Variants in RNF150 observed in about 807,000 individuals in gnomAD.
RNF150 encodes the protein ring finger protein 150.
Under a neutral mutation model 39.3 loss-of-function variants are expected in RNF150, and 24 were observed. That is an observed-to-expected ratio of 0.61 (90% CI 0.44 to 0.86). RNF150 has a LOEUF of 0.86. Ranked by LOEUF, RNF150 falls within the 40% of genes least tolerant of loss-of-function variation. The pLI is 0.00. For missense variants in RNF150, 502 were observed against 587.8 expected, an observed-to-expected ratio of 0.85 and a Z score of 1.51; for synonymous variants, 255 against 227.3, an observed-to-expected ratio of 1.12 and a Z score of -1.10.
At chr4:140,899,416 A>G (rs1730087424) in intron 6 of RNF150, among the ~76,000 whole-genome samples, 1 of 152,250 alleles carries the variant, frequency 6.6e-6, no homozygotes, top group East Asian at 1.9e-4. Flanking sequence ...AGGCAGGCAG[A>G]GTCACAGGTG....
chr4:140,941,371 C>A (rs1439912580), intron 4 of RNF150, among the ~76,000 whole-genome samples: 4 of 152,176 alleles, frequency 2.6e-5, no homozygotes, highest in Non-Finnish European at 4.4e-5. Flanking sequence ...CCAATAAAAA[C>A]AATGGCAATT....
chr4:141,210,330 G>A (rs1166369494), intron 1 of RNF150, among the ~76,000 whole-genome samples: 2 of 152,120 alleles, frequency 1.3e-5, no homozygotes, highest in Non-Finnish European at 2.9e-5. Flanking sequence ...TACCTTCGGG[G>A]TTTCAGGTTA....
At chr4:140,894,409 A>G (rs912075345) in intron 6 of RNF150, among the ~76,000 whole-genome samples, 3 of 152,166 alleles carry the variant, frequency 2.0e-5, no homozygotes, top group African/African-American at 7.2e-5. Context: ...TCCACAACAG[A>G]AAGTCATTTT....
chr4:141,079,525 T>A (rs376948485), intron 1 of RNF150, among the ~76,000 whole-genome samples: 1 of 152,180 alleles, frequency 6.6e-6, no homozygotes, highest in African/African-American at 2.4e-5. Flanking sequence ...AATTTCCTCA[T>A]GTAAAAAATA....
In RNF150 at chr4:141,132,829, T is replaced by C; in HGVS notation, c.-21A>G. 1 of 1,584,356 alleles carries C rather than the reference T, an allele frequency of 6.3e-7. No homozygotes were observed. Among genetic ancestry groups the C allele is most frequent in the Non-Finnish European group, 8.6e-7 (1 of 1,157,258 alleles). On this transcript the variant is annotated 5_prime_UTR_variant, in exon 1 of 7. Transcript: ENST00000515673. This position sits in a 1 kb window ranked among gnomAD's most constrained non-coding sequence, Gnocchi z 4.9. ...GCCATCTTTATCCGCCGGGGCCCCC[T>C]CCCCGCCCCCGCGCCCTCCCTCCGT... is the stretch of plus-strand genomic sequence containing the variant.
At chr4:141,207,896 G>T (rs1728399308) in intron 1 of RNF150, among the ~76,000 whole-genome samples, 1 of 152,120 alleles carries the variant, frequency 6.6e-6, no homozygotes, top group East Asian at 1.9e-4. Flanking sequence ...CAGGACAAAA[G>T]AAACCATTGC....
chr4:141,141,402 G>A (rs543338395), intron 1 of RNF150, among the ~76,000 whole-genome samples: 5 of 152,310 alleles, frequency 3.3e-5, no homozygotes, highest in South Asian at 2.1e-4. Context: ...GTCTACAAAC[G>A]AATCTGGATA....
chr4:141,054,915 C>T (rs375442014), intron 1 of RNF150, among the ~76,000 whole-genome samples: 15 of 152,198 alleles, frequency 9.9e-5, no homozygotes, highest in Middle Eastern at 3.4e-3. Flanking sequence ...AATGTGATAA[C>T]AAACAACAAA....
chr4:141,132,672 A>T lies in RNF150; in HGVS notation c.137T>A (p.Ile46Asn). 3.1e-6 allele frequency: 5 copies of T among 1,606,584 alleles called. No homozygotes were observed. The highest frequency in any genetic ancestry group is 2.3e-5 in the East Asian group (1 of 44,144). The change falls in exon 1 of 7, where the codon ATC (isoleucine) becomes AAC (asparagine). Residue 46 changes from isoleucine to asparagine, a missense_variant. By Grantham distance (149) the Ile-to-Asn change is moderately radical. Transcript: ENST00000515673. This position sits in a 1 kb window ranked among gnomAD's most constrained non-coding sequence, Gnocchi z 4.9. ...GTCCGGCGCGGGCTCGGCGTAGGTGATGTTCACGAAGGCGGTGTACCATTC... is the reference window on the plus strand; with the variant it reads ...GTCCGGCGCGGGCTCGGCGTAGGTGTTGTTCACGAAGGCGGTGTACCATTC... ...KEEWYTAFVN[I>N]TYAEPAPDPG...
intron 1 of RNF150, among the ~76,000 whole-genome samples, chr4:141,183,319 C>T (rs1398161069): frequency 1.3e-5 from 2 of 152,034 alleles, no homozygotes; most frequent in African/African-American, 2.4e-5. Context: ...TAAGATTGTC[C>T]CCAATTATCC....
intron 1 of RNF150, among the ~76,000 whole-genome samples, chr4:141,143,836 T>G (rs966548955): frequency 6.6e-6 from 1 of 152,228 alleles, no homozygotes; most frequent in Non-Finnish European, 1.5e-5. Context: ...TTCAAAGGAC[T>G]AATGCCTCTT....
chr4:141,179,851 A>G (rs1486909282), intron 1 of RNF150, among the ~76,000 whole-genome samples: 2 of 152,174 alleles, frequency 1.3e-5, no homozygotes, highest in African/African-American at 4.8e-5. Context: ...ATTGGGCTCA[A>G]CTGGTCAGAA....
chr4:141,133,952 A>C (rs377202849), upstream of RNF150, among the ~76,000 whole-genome samples: 37 of 152,292 alleles, frequency 2.4e-4, no homozygotes, highest in East Asian at 5.8e-3. Flanking sequence ...ATGCATTTCT[A>C]ACAAGTTCCC....
intron 1 of RNF150, among the ~76,000 whole-genome samples, chr4:141,126,112 A>ACACATG (rs2111097526): frequency 6.6e-6 from 1 of 152,112 alleles, no homozygotes; most frequent in South Asian, 2.1e-4. Flanking sequence ...ACACACACAC[A>ACACATG]CATGCATACT....
At chr4:141,050,842 T>C (rs565611060) in intron 1 of RNF150, among the ~76,000 whole-genome samples, 12 of 152,278 alleles carry the variant, frequency 7.9e-5, no homozygotes, top group Admixed American at 3.9e-4. Context: ...GTCTGGAGAA[T>C]AGCAACAGCC....
Position 140,862,446 on chromosome 4 carries a change from A to C in RNF150, c.*5815T>G, listed in dbSNP as rs1173361531. 1 of 152,002 alleles carries C rather than the reference A, an allele frequency of 6.6e-6. No homozygotes were observed. Among genetic ancestry groups the C allele is most frequent in the African/African-American group, 2.4e-5 (1 of 41,260 alleles). The allele number at this position is 152,002 out of a possible 1,614,324, so 9.4% of individuals were successfully genotyped here. ...ACTGACCTTAGCAGGTTCTTGTAGAACAAGCAGGATTGCAATCAAATTGCT... is the reference window on the plus strand; with the variant it reads ...ACTGACCTTAGCAGGTTCTTGTAGACCAAGCAGGATTGCAATCAAATTGCT... On this transcript the variant is annotated 3_prime_UTR_variant, in exon 7 of 7. Transcript: ENST00000515673.
chr4:141,188,190 C>T (rs1728045938), intron 1 of RNF150, among the ~76,000 whole-genome samples: 1 of 152,202 alleles, frequency 6.6e-6, no homozygotes, highest in Non-Finnish European at 1.5e-5. Flanking sequence ...TCTCTTCTGG[C>T]TTGCAGGGTT....
In RNF150 at chr4:140,949,290, G is replaced by A; in HGVS notation, c.807+11C>T. On this transcript the variant is annotated intron_variant, in intron 3 of 6. Transcript: ENST00000515673. ...TAGCTCCTCACCAAAAAGAAAAGAG[G>A]CTGCTATTACCTTGTCACCCTTCTT... 6.3e-7 allele frequency: 1 copy of A among 1,598,126 alleles called. No individual in the cohort carries two copies. The highest frequency in any genetic ancestry group is 8.5e-7 in the Non-Finnish European group (1 of 1,171,096).
At chr4:140,935,055 A>ATAT (rs1486309103) in intron 4 of RNF150, among the ~76,000 whole-genome samples, 1 of 61,354 alleles carries the variant, frequency 1.6e-5, no homozygotes, top group African/African-American at 8.9e-5. Flanking sequence ...AAATATATAT[A>ATAT]TTATATATAT....
Sources: gnomAD v4.1 joint callset for allele counts (sites outside exome capture counted in the v4.1 genomes callset) on GRCh38, gnomAD v4.1.1 for gene constraint, Gnocchi (gnomAD v3.1) non-coding constraint, MANE v1.5 for transcripts, NCBI Gene and HGNC (gene_info 2026-07-23, HGNC 2026-07-21) for gene names.